The following PTPRG variants were observed in gnomAD, a reference collection of about 807,000 sequenced individuals.
The protein encoded by PTPRG is protein tyrosine phosphatase receptor type G.
A neutral mutation model predicts 165.3 loss-of-function variants in PTPRG; 102 were observed. The observed-to-expected ratio is 0.62, with a 90% CI of 0.53 to 0.73. The LOEUF is 0.73. Ranked by LOEUF, PTPRG falls within the 30% of genes least tolerant of loss-of-function variation. The pLI, the probability that PTPRG is intolerant of heterozygous loss-of-function variation, is 0.00. For synonymous variants in PTPRG, 675 were observed against 669.5 expected, an observed-to-expected ratio of 1.01 and a Z score of -0.13; for missense variants, 1,866 against 1,861.4, an observed-to-expected ratio of 1.00 and a Z score of -0.05.
chr3:62,166,204 T>TC (rs1279523002), intron 7 of PTPRG, among the ~76,000 whole-genome samples: 4 of 73,908 alleles, frequency 5.4e-5, no homozygotes, highest in African/African-American at 2.4e-4. Context: ...GTTCTTTTTT[T>TC]TTTTTTTTTT....
intron 1 of PTPRG, among the ~76,000 whole-genome samples, chr3:61,709,099 C>T (rs988179459): frequency 5.3e-5 from 8 of 152,138 alleles, no homozygotes; most frequent in Non-Finnish European, 1.2e-4. Flanking sequence ...GTGTTTCATC[C>T]TTCCCACAGT....
At chr3:61,925,866 A>G (rs548036417) in intron 2 of PTPRG, 14 of 491,516 alleles carry the variant, frequency 2.8e-5, no homozygotes, top group South Asian at 1.9e-4. Flanking sequence ...ATTCCTTGGG[A>G]TGAATACATT....
At chr3:62,269,317 C>A in intron 20 of PTPRG, 148 bp downstream of exon 20, 1 of 829,832 alleles carries the variant, frequency 1.2e-6, no homozygotes, top group Non-Finnish European at 1.7e-6. Flanking sequence ...TGATTGACAT[C>A]AGTGTATGGT....
At chr3:61,850,705 T>C (rs1233505759) in intron 2 of PTPRG, among the ~76,000 whole-genome samples, 3 of 152,216 alleles carry the variant, frequency 2.0e-5, no homozygotes, top group Non-Finnish European at 4.4e-5. Context: ...TTTATTGACA[T>C]TAAGATGGTA....
chr3:61,787,142 A>T (rs1044454436), intron 2 of PTPRG, among the ~76,000 whole-genome samples: 1 of 152,198 alleles, frequency 6.6e-6, no homozygotes, highest in African/African-American at 2.4e-5. Flanking sequence ...GCAAATATTA[A>T]TATTTCGTTG....
chr3:61,672,067 C>T (rs1453887357), intron 1 of PTPRG, among the ~76,000 whole-genome samples: 1 of 148,190 alleles, frequency 6.7e-6, no homozygotes, highest in African/African-American at 2.5e-5. Context: ...AGAGACGCTC[C>T]TCACATCCCG....
intron 12 of PTPRG, among the ~76,000 whole-genome samples, chr3:62,218,228 T>C (rs1700561070): frequency 1.3e-5 from 2 of 152,154 alleles, no homozygotes; most frequent in South Asian, 4.1e-4. Flanking sequence ...TGCTAAATCG[T>C]TGACCAGAGC....
At chr3:62,158,934 T>A (rs1704639585) in intron 7 of PTPRG, among the ~76,000 whole-genome samples, 1 of 152,126 alleles carries the variant, frequency 6.6e-6, no homozygotes, top group Non-Finnish European at 1.5e-5. Flanking sequence ...AAAAAAATAA[T>A]AAAGTTACAG....
At chr3:61,680,656 G>A (rs1951723469) in intron 1 of PTPRG, among the ~76,000 whole-genome samples, 2 of 151,596 alleles carry the variant, frequency 1.3e-5, no homozygotes, top group South Asian at 2.1e-4. Flanking sequence ...AAAAAAAGAG[G>A]GCATGGAAAA....
intron 1 of PTPRG, among the ~76,000 whole-genome samples, chr3:61,741,059 C>G (rs2032963638): frequency 6.6e-6 from 1 of 152,158 alleles, no homozygotes; most frequent in Non-Finnish European, 1.5e-5. Flanking sequence ...TTACTTTTAA[C>G]TTAATTTGAT....
intron 2 of PTPRG, among the ~76,000 whole-genome samples, chr3:61,919,533 G>A (rs950503615): frequency 6.6e-6 from 1 of 152,172 alleles, no homozygotes; most frequent in African/African-American, 2.4e-5. Flanking sequence ...ATGAATTGGA[G>A]GAGGGTTTTG....
chr3:61,668,453 C>T (rs141484666), intron 1 of PTPRG, among the ~76,000 whole-genome samples: 19 of 152,232 alleles, frequency 1.2e-4, no homozygotes, highest in Admixed American at 3.3e-4. Context: ...CTGTTTTTCT[C>T]GCTGCTTTTC....
intron 2 of PTPRG, among the ~76,000 whole-genome samples, chr3:61,832,169 T>G (rs1486141951): frequency 2.0e-5 from 3 of 152,204 alleles, no homozygotes; most frequent in African/African-American, 4.8e-5. Flanking sequence ...TGAATTCACA[T>G]TTCCATTTAG....
At position 61,851,783 on chromosome 3, in the gene PTPRG, A is replaced by T. The variant is rs1042769032; in HGVS notation, c.190+102801A>T. Among the ~76,000 whole-genome samples, 3 of 152,212 alleles carry T rather than the reference A, an allele frequency of 2.0e-5. No individual in the cohort carries two copies. In the East Asian group the frequency reaches 5.8e-4, roughly 29 times the overall value. On this transcript the variant is annotated intron_variant, in intron 2 of 29. Transcript: ENST00000474889. ...CATATTCTGATTGAGGTTCTAGTAC[A>T]GCTGCTACAATCAGTTTCTTCTCTT...
intron 4 of PTPRG, among the ~76,000 whole-genome samples, chr3:62,033,358 TAC>T (rs1163235472): frequency 7.3e-6 from 1 of 136,606 alleles, no homozygotes; most frequent in African/African-American, 2.9e-5. Flanking sequence ...CTGCTCCCTA[TAC>T]ATTTTTTTTT....
intron 4 of PTPRG, among the ~76,000 whole-genome samples, chr3:62,043,480 T>C (rs1411209225): frequency 1.3e-5 from 2 of 152,210 alleles, no homozygotes; most frequent in Non-Finnish European, 2.9e-5. Context: ...CTTTATGCGA[T>C]CAGTTTAGAG....
At chr3:62,021,349 A>G (rs1423264017) in intron 4 of PTPRG, among the ~76,000 whole-genome samples, 2 of 152,228 alleles carry the variant, frequency 1.3e-5, no homozygotes, top group Non-Finnish European at 2.9e-5. Flanking sequence ...TGTATATGAC[A>G]TGAAGATGAA....
intron 2 of PTPRG, among the ~76,000 whole-genome samples, chr3:61,900,535 C>A (rs139029597): frequency 1.9e-3 from 295 of 152,266 alleles, no homozygotes; most frequent in Non-Finnish European, 3.7e-3. Flanking sequence ...ATTCATCCAT[C>A]CCTGCAGGAG....
intron 20 of PTPRG, among the ~76,000 whole-genome samples, chr3:62,270,591 A>G (rs531933301): frequency 6.6e-6 from 1 of 152,332 alleles, no homozygotes; most frequent in East Asian, 1.9e-4. Context: ...ACATACTAAT[A>G]GGAAAAAGTA....
Sources: gnomAD v4.1 joint callset for allele counts (sites outside exome capture counted in the v4.1 genomes callset) on GRCh38, gnomAD v4.1.1 for gene constraint, MANE v1.5 for transcripts, NCBI Gene and HGNC (gene_info 2026-07-23, HGNC 2026-07-21) for gene names.